The following RASAL2 variants were observed in gnomAD, a reference collection of about 807,000 sequenced individuals.
RASAL2 encodes ras GTPase-activating protein nGAP.
Under a neutral mutation model 128.9 loss-of-function variants are expected in RASAL2, and 58 were observed. That is an observed-to-expected ratio of 0.45 (90% CI 0.36 to 0.56). The LOEUF is 0.56. Among genes scored for constraint, RASAL2 ranks in the 20% least tolerant of loss-of-function variants. The probability of loss-of-function intolerance (pLI) is 0.00; values close to 1 mark genes in which losing one functional copy is unlikely to be tolerated. For synonymous variants in RASAL2, 561 were observed against 580.8 expected (o/e 0.97, Z 0.49); for missense variants, 1,360 against 1,601.6 (o/e 0.85, Z 2.57).
chr1:178,205,347 C>A (rs1663002537), intron 1 of RASAL2, among the ~76,000 whole-genome samples: 1 of 151,996 alleles, frequency 6.6e-6, no homozygotes, highest in Admixed American at 6.6e-5. Flanking sequence ...TGTGAATTAA[C>A]AGGCTATACC....
chr1:178,428,235 G>A (rs1557981480), intron 5 of RASAL2, among the ~76,000 whole-genome samples: 1 of 152,024 alleles, frequency 6.6e-6, no homozygotes, highest in African/African-American at 2.4e-5. Flanking sequence ...GAATAAAGCT[G>A]CTGTGAACAG....
chr1:178,410,137 G>T (rs1418303198), intron 4 of RASAL2, among the ~76,000 whole-genome samples: 1 of 152,130 alleles, frequency 6.6e-6, no homozygotes, highest in Non-Finnish European at 1.5e-5. Context: ...AAATGAGGTG[G>T]TCCAGAAAGT....
At chr1:178,378,509 A>G (rs1278353680) in intron 3 of RASAL2, among the ~76,000 whole-genome samples, 1 of 152,138 alleles carries the variant, frequency 6.6e-6, no homozygotes, top group African/African-American at 2.4e-5. Flanking sequence ...TCAAGCACAT[A>G]CAGAATCTTT....
chr1:178,401,874 G>A (rs557631728), intron 4 of RASAL2, among the ~76,000 whole-genome samples: 46 of 152,164 alleles, frequency 3.0e-4, no homozygotes, highest in African/African-American at 8.9e-4. Flanking sequence ...TAGGGCCCGC[G>A]TCACCCTGTC....
chr1:178,341,549 C>G, intron 3 of RASAL2: 1 of 1,613,658 alleles, frequency 6.2e-7, no homozygotes, highest in South Asian at 1.1e-5. Context: ...GAGTTTCTGA[C>G]TGGCGTGCCG....
chr1:178,370,118 A>C (rs1055597453), intron 3 of RASAL2, among the ~76,000 whole-genome samples: 1 of 152,250 alleles, frequency 6.6e-6, no homozygotes, highest in Non-Finnish European at 1.5e-5. Flanking sequence ...TGTTTTAGGC[A>C]GTTGAACAAA....
chr1:178,368,740 C>T (rs1434819878), intron 3 of RASAL2, among the ~76,000 whole-genome samples: 3 of 151,826 alleles, frequency 2.0e-5, no homozygotes, highest in Non-Finnish European at 2.9e-5. Context: ...TGGGCTCAAG[C>T]GATCCCCCTG....
Position 178,442,961 on chromosome 1 carries a change from T to C in RASAL2, c.1214T>C (p.Val405Ala). The change falls in exon 8 of 18, where the codon GTG (valine) becomes GCG (alanine). Residue 405 changes from valine (V) to alanine (A), a missense_variant. Physicochemically the swap from Val to Ala is moderately conservative, Grantham distance 64. This residue lies in a region of RASAL2 where 617 missense variants were observed against 714.2 expected (regional missense o/e 0.86). Transcript: ENST00000367649. ...VGLVNIPTAS[V>A]TGRQFVEKWY... ...CTAGTCAACATCCCCACTGCCAGTGTGACTGGTCGCCAATTTGTAGAAAAG... is the reference window on the plus strand; with the variant it reads ...CTAGTCAACATCCCCACTGCCAGTGCGACTGGTCGCCAATTTGTAGAAAAG... The C allele has an allele frequency of 6.2e-7, 1 of 1,614,080 alleles. No individual in the cohort carries two copies. Among genetic ancestry groups the C allele is most frequent in the African/African-American group, 1.3e-5 (1 of 75,054 alleles).
chr1:178,423,680 T>A (rs1310666235), intron 5 of RASAL2, among the ~76,000 whole-genome samples: 1 of 152,146 alleles, frequency 6.6e-6, no homozygotes, highest in African/African-American at 2.4e-5. Context: ...GTATTTGTAA[T>A]CTTTACTGTG....
chr1:178,420,634 T>C lies in RASAL2; in HGVS notation c.674+14T>C. Reference sequence around the variant, plus strand: ...TACAGATGACAGGTAGGAAGTTAACTTTCTTAAAACAAAAAAAGCAGTTTG... The same window carrying C: ...TACAGATGACAGGTAGGAAGTTAACCTTCTTAAAACAAAAAAAGCAGTTTG... On this transcript the variant is annotated intron_variant, in intron 5 of 17. Coordinates refer to ENST00000367649, the MANE Select transcript of RASAL2 (RefSeq NM_170692.4). 1 of 1,564,940 alleles carries C rather than the reference T, an allele frequency of 6.4e-7. No individual in the cohort carries two copies. The highest frequency in any genetic ancestry group is 8.7e-7 in the Non-Finnish European group (1 of 1,146,266).
chr1:178,223,364 C>T (rs1663683019), intron 1 of RASAL2, among the ~76,000 whole-genome samples: 1 of 152,128 alleles, frequency 6.6e-6, no homozygotes. Context: ...AAAGACTTCC[C>T]TGAGGAAGTG....
At position 178,442,864 on chromosome 1, in the gene RASAL2, C is replaced by T; in HGVS notation, c.1117C>T (p.His373Tyr). Residue 373 changes from histidine to tyrosine, a missense_variant, in exon 8 of 18, where the codon CAT (histidine) becomes TAT (tyrosine). This residue lies in a region of RASAL2 where 617 missense variants were observed against 714.2 expected (regional missense o/e 0.86). Transcript: ENST00000367649. ...HFEFFSLPPL[H>Y]SITVHIYKDV... is the part of the protein sequence containing the mutation. ...TGAATTCTTCAGCCTTCCACCTCTT[C>T]ATAGTATCACAGTTCACATTTACAA... The T allele has an allele frequency of 6.2e-7, 1 of 1,613,886 alleles. No individual in the cohort carries two copies. The highest frequency in any genetic ancestry group is 1.1e-5 in the South Asian group (1 of 91,064).
intron 15 of RASAL2, among the ~76,000 whole-genome samples, chr1:178,465,718 T>G (rs1193245229): frequency 6.6e-6 from 1 of 151,892 alleles, no homozygotes; most frequent in East Asian, 1.9e-4. Context: ...TTATGCCAGT[T>G]GATAATTATA....
chr1:178,237,135 A>G (rs907613013), intron 1 of RASAL2, among the ~76,000 whole-genome samples: 13 of 152,090 alleles, frequency 8.5e-5, no homozygotes, highest in African/African-American at 3.1e-4. Context: ...TGTTATTCTC[A>G]TTTTAAAAGT....
At chr1:178,390,297 TTCTTC>T (rs1672822721) in intron 4 of RASAL2, 91 bp downstream of exon 4, 2 of 829,984 alleles carry the variant, frequency 2.4e-6, no homozygotes, top group East Asian at 5.6e-5. Context: ...AATCCAAACA[TTCTTC>T]TCTTCAAGAA....
chr1:178,434,624 A>G (rs1236499163), intron 5 of RASAL2, among the ~76,000 whole-genome samples: 1 of 152,130 alleles, frequency 6.6e-6, no homozygotes, highest in Non-Finnish European at 1.5e-5. Flanking sequence ...ATCAGTGAGT[A>G]ATATAAGCAG....
At chr1:178,223,240 G>GATTGATA (rs1663672184) in intron 1 of RASAL2, among the ~76,000 whole-genome samples, 1 of 152,178 alleles carries the variant, frequency 6.6e-6, no homozygotes, top group African/African-American at 2.4e-5. Context: ...AACAGGCATT[G>GATTGATA]ATTGATAATT....
intron 3 of RASAL2, among the ~76,000 whole-genome samples, chr1:178,357,444 C>G (rs962467170): frequency 1.3e-5 from 2 of 151,556 alleles, no homozygotes; most frequent in African/African-American, 2.4e-5. Context: ...TTCTACTCTA[C>G]TGATCTATTT....
intron 1 of RASAL2, among the ~76,000 whole-genome samples, chr1:178,250,562 T>G (rs187262663): frequency 1.2e-4 from 19 of 152,290 alleles, no homozygotes; most frequent in Admixed American, 1.2e-3. Flanking sequence ...TGGCTTTAGC[T>G]GCCTTTCCAG....
Sources: gnomAD v4.1 joint callset for allele counts (sites outside exome capture counted in the v4.1 genomes callset) on GRCh38, gnomAD v4.1.1 for gene constraint, gnomAD v4.1.1 regional missense constraint, MANE v1.5 for transcripts, NCBI Gene and HGNC (gene_info 2026-07-23, HGNC 2026-07-21) for gene names.